The following DACH2 variants were observed in gnomAD, a reference collection of about 807,000 sequenced individuals.
DACH2 encodes dachshund family transcription factor 2.
In DACH2, 17 loss-of-function variants were observed where a neutral mutation model predicts 35.8. That is an observed-to-expected ratio of 0.48 (90% CI 0.33 to 0.71). The LOEUF (loss-of-function observed/expected upper bound fraction) is 0.71, where lower values mean the gene tolerates loss of function less well. Among genes scored for constraint, DACH2 ranks in the 30% least tolerant of loss-of-function variants. The pLI is 0.02. For synonymous variants in DACH2, 195 were observed against 177.3 expected, an observed-to-expected ratio of 1.10 and a Z score of -0.79; for missense variants, 469 against 472.7, an observed-to-expected ratio of 0.99 and a Z score of 0.07.
intron 1 of DACH2, chrX:86,160,399 G>A: frequency 1.7e-6 from 1 of 593,319 alleles, no homozygotes. Context: ...ACATGAGGTT[G>A]CCAGGAACCA....
At chrX:86,620,641 G>C (rs890819392) in intron 3 of DACH2, among the ~76,000 whole-genome samples, 1 of 111,121 alleles carries the variant, frequency 9.0e-6, no homozygotes, top group African/African-American at 3.3e-5. Flanking sequence ...ATTTATTCCA[G>C]AGAACAGTAA....
At chrX:86,511,628 T>C (rs145755076) in intron 2 of DACH2, among the ~76,000 whole-genome samples, 1,738 of 111,880 alleles carry the variant, frequency 0.016, 24 homozygotes, top group Non-Finnish European at 0.027. Context: ...TGAGGTTACA[T>C]TTTACCCTCT....
chrX:86,683,917 C>T (rs1328224253), intron 4 of DACH2, among the ~76,000 whole-genome samples: 1 of 111,169 alleles, frequency 9.0e-6, no homozygotes, highest in African/African-American at 3.3e-5. Flanking sequence ...AATAGAGTGG[C>T]CAGAATTCAA....
chrX:86,672,768 A>G (rs1392132472), intron 4 of DACH2, among the ~76,000 whole-genome samples: 1 of 111,590 alleles, frequency 9.0e-6, no homozygotes, highest in Non-Finnish European at 1.9e-5. Flanking sequence ...TGTGAGGGGA[A>G]AAAATGTGGG....
chrX:86,412,437 A>G (rs1350516430), intron 2 of DACH2, among the ~76,000 whole-genome samples: 7 of 111,562 alleles, frequency 6.3e-5, no homozygotes, highest in Non-Finnish European at 1.1e-4. Context: ...AGCCCTGCAA[A>G]GCATTGTCAC....
chrX:86,556,666 G>C (rs1489194983), intron 3 of DACH2, among the ~76,000 whole-genome samples: 8 of 103,491 alleles, frequency 7.7e-5, no homozygotes, highest in African/African-American at 2.4e-4. Flanking sequence ...GGGAATGATA[G>C]TCTCTGCATA....
intron 2 of DACH2, among the ~76,000 whole-genome samples, chrX:86,383,271 CATT>C (rs1197114885): frequency 9.1e-6 from 1 of 109,493 alleles, no homozygotes; most frequent in East Asian, 2.9e-4. Flanking sequence ...TTAGTACTCT[CATT>C]AAAAAATATA....
At chrX:86,771,561 C>T (rs368226004) in intron 7 of DACH2, among the ~76,000 whole-genome samples, 1 of 111,647 alleles carries the variant, frequency 9.0e-6, no homozygotes, top group Non-Finnish European at 1.9e-5. Context: ...TTGCTTTGAT[C>T]TTTGTTTAAT....
intron 2 of DACH2, among the ~76,000 whole-genome samples, chrX:86,507,458 C>A (rs2038339843): frequency 2.0e-5 from 1 of 49,010 alleles, no homozygotes; most frequent in Non-Finnish European, 3.5e-5. Flanking sequence ...AAGTCAGTGA[C>A]CTTTCAAAAA....
At chrX:86,828,235 T>C (rs961101949) in intron 11 of DACH2, 5 of 117,159 alleles carry the variant, frequency 4.3e-5, no homozygotes, top group African/African-American at 1.6e-4. Flanking sequence ...TTAACAGGAA[T>C]TATATCAGGT....
chrX:86,160,702 G>A (rs2030723334), intron 1 of DACH2: 1 of 480,185 alleles, frequency 2.1e-6, no homozygotes. Context: ...AGCCCTCATT[G>A]TTCCCAGGAA....
At chrX:86,692,935 A>G (rs745318276) in intron 4 of DACH2, among the ~76,000 whole-genome samples, 19 of 111,999 alleles carry the variant, frequency 1.7e-4, no homozygotes, top group African/African-American at 6.2e-4. Flanking sequence ...TAGTTTATTA[A>G]AATACTCCCT....
intron 2 of DACH2, among the ~76,000 whole-genome samples, chrX:86,477,408 T>C (rs2077925034): frequency 9.7e-6 from 1 of 103,317 alleles, no homozygotes; most frequent in Admixed American, 1.1e-4. Context: ...TCCTTTATCA[T>C]GATATAGTGA....
chrX:86,369,182 A>G (rs1365451589), intron 1 of DACH2, among the ~76,000 whole-genome samples: 2 of 111,010 alleles, frequency 1.8e-5, no homozygotes, highest in Non-Finnish European at 3.8e-5. Context: ...AAACTTATAT[A>G]TATTGCTTTG....
At chrX:86,678,432 A>C (rs908295166) in intron 4 of DACH2, among the ~76,000 whole-genome samples, 1 of 112,734 alleles carries the variant, frequency 8.9e-6, no homozygotes, top group Admixed American at 9.4e-5. Context: ...CATGTTAGTG[A>C]GAAAAGAATG....
chrX:86,817,967 G>C, intron 11 of DACH2, among the ~76,000 whole-genome samples: 1 of 112,083 alleles, frequency 8.9e-6, no homozygotes. Context: ...AAAGGAATGA[G>C]ATGTAATTTA....
At chrX:86,207,330 C>A (rs748406464) in intron 1 of DACH2, among the ~76,000 whole-genome samples, 2 of 111,393 alleles carry the variant, frequency 1.8e-5, no homozygotes, top group Admixed American at 1.9e-4. Flanking sequence ...ACTCTATAAT[C>A]AGTCTCTGTG....
At chrX:86,670,613 C>T (rs937797942) in intron 4 of DACH2, among the ~76,000 whole-genome samples, 2 of 111,615 alleles carry the variant, frequency 1.8e-5, no homozygotes, top group African/African-American at 6.5e-5. Context: ...ATGACTTATA[C>T]GTCTCTGCCT....
Position 86,376,281 on chromosome X carries a change from T to G in DACH2, c.489-543T>G, listed in dbSNP as rs567289116. ...TCTGTCGGAGATCAATGGCTCCATG[T>G]TTAGGAAATAAGCACAACATTGATA... On this transcript the variant is annotated intron_variant, in intron 1 of 11. Transcript: ENST00000373125. Among the ~76,000 whole-genome samples the G allele has an allele frequency of 3.7e-5, 4 of 109,088 alleles. No individual in the cohort carries two copies. In the South Asian group the frequency reaches 1.2e-3, roughly 32 times the overall value. 94.7% of individuals were successfully genotyped at this position (109,088 alleles called of 115,157 possible). A position where few individuals can be genotyped will look rare whatever the true frequency, so the allele number is the denominator to read the frequency against.
Sources: gnomAD v4.1 joint callset for allele counts (sites outside exome capture counted in the v4.1 genomes callset) on GRCh38, gnomAD v4.1.1 for gene constraint, MANE v1.5 for transcripts, NCBI Gene and HGNC (gene_info 2026-07-23, HGNC 2026-07-21) for gene names.